Variants in SLCO4A1 observed in about 807,000 individuals in gnomAD.
The protein encoded by SLCO4A1 is solute carrier organic anion transporter family member 4A1, also known as colon organic anion transporter.
In SLCO4A1, 51 loss-of-function variants were observed where a neutral mutation model predicts 64.6. The ratio of observed to expected loss-of-function variants is 0.79; its 90% CI spans 0.63 to 1.00. The LOEUF is 1.00. Ranked by LOEUF, SLCO4A1 falls within the 50% of genes least tolerant of loss-of-function variation. The pLI, the probability that SLCO4A1 is intolerant of heterozygous loss-of-function variation, is 0.00. For synonymous variants in SLCO4A1, 471 were observed against 444.9 expected, an observed-to-expected ratio of 1.06 and a Z score of -0.74; for missense variants, 919 against 980.5, an observed-to-expected ratio of 0.94 and a Z score of 0.84.
intron 1 of SLCO4A1, among the ~76,000 whole-genome samples, chr20:62,652,446 T>G (rs1289261101): frequency 6.6e-6 from 1 of 152,148 alleles, no homozygotes; most frequent in East Asian, 1.9e-4. Context: ...TTGCGCCTCC[T>G]CGTCAGTCCC....
rs1268240212 is a variant in SLCO4A1, at chr20:62,657,073, A to C, written c.619A>C (p.Thr207Pro). Residue 207 changes from threonine to proline, a missense_variant, in exon 2 of 12, where the codon ACG becomes CCG. By Grantham distance (38) the Thr-to-Pro change is conservative. Transcript: ENST00000217159. Reference protein sequence around the residue: ...YEVELDAGVRTCPANPGAVCA... With the variant: ...YEVELDAGVRPCPANPGAVCA... ...GGTGGAGTTGGACGCGGGTGTCAGGACGTGCCCTGCCAACCCCGGCGCGGT... is the reference window on the plus strand; with the variant it reads ...GGTGGAGTTGGACGCGGGTGTCAGGCCGTGCCCTGCCAACCCCGGCGCGGT... 5.0e-6 allele frequency: 8 copies of C among 1,602,676 alleles called. No individual in the cohort carries two copies. Among genetic ancestry groups the C allele is most frequent in the Non-Finnish European group, 6.8e-6 (8 of 1,175,324 alleles).
chr20:62,685,933 A>G (rs1038234169), downstream of SLCO4A1: 1 of 151,916 alleles, frequency 6.6e-6, no homozygotes, highest in Non-Finnish European at 1.5e-5. The surrounding 1 kb of genome is among the most constrained non-coding windows in gnomAD (Gnocchi z 4.6). Flanking sequence ...GTGTGGATCC[A>G]TGGCTGAGCA....
chr20:62,657,276 C>G, intron 2 of SLCO4A1, 26 bp downstream of exon 2: 1 of 1,495,954 alleles, frequency 6.7e-7, no homozygotes, highest in Non-Finnish European at 9.0e-7. Flanking sequence ...GGGGTAAGTG[C>G]TGGCAGGGGT....
In SLCO4A1 at chr20:62,656,568, C is replaced by T; in HGVS notation, c.114C>T (p.Pro38=). The T allele has an allele frequency of 6.3e-7, 1 of 1,586,850 alleles. No homozygotes were observed. The highest frequency in any genetic ancestry group is 8.5e-7 in the Non-Finnish European group (1 of 1,171,080). The change falls in exon 2 of 12, where the codon CCC becomes CCT. Residue 38 remains proline, a synonymous_variant. Transcript: ENST00000217159. ...GCAGGAGGGCATCCCCGGGCACACC[C>T]CTGAGCCCCGGCTCCCTCCGCTCCG... ...PPSRRASPGT[P]LSPGSLRSAA...
chr20:62,686,846 G>A (rs1208201149), downstream of SLCO4A1, among the ~76,000 whole-genome samples: 1 of 151,918 alleles, frequency 6.6e-6, no homozygotes, highest in Admixed American at 6.5e-5. Context: ...CCCCCGAACA[G>A]GCACGATGGG....
At chr20:62,686,742 C>T (rs114599458), downstream of SLCO4A1, among the ~76,000 whole-genome samples, 337 of 152,352 alleles carry the variant, frequency 2.2e-3, 2 homozygotes, top group African/African-American at 7.7e-3. Flanking sequence ...CAGGTTTGGA[C>T]GGTGCAGAGA....
downstream of SLCO4A1, among the ~76,000 whole-genome samples, chr20:62,687,160 G>A (rs1470610881): frequency 6.2e-5 from 9 of 144,906 alleles, no homozygotes; most frequent in African/African-American, 2.4e-4. Flanking sequence ...CCAAACAGGA[G>A]CGATGGAAAG....
chr20:62,672,203 T>G lies in SLCO4A1; in HGVS notation c.*310T>G. ...ACTCCGCAGGGGCTGTGAATCCCAC[T>G]GGGAGGGCGGTGGGCCTGCAGCCTG... is the stretch of plus-strand genomic sequence containing the variant. On this transcript the variant is annotated 3_prime_UTR_variant, in exon 12 of 12. Coordinates refer to ENST00000217159, the MANE Select transcript of SLCO4A1 (RefSeq NM_016354.4). 1.5e-6 allele frequency: 2 copies of G among 1,295,492 alleles called. No homozygotes were observed. Among genetic ancestry groups the G allele is most frequent in the Non-Finnish European group, 2.0e-6 (2 of 1,014,226 alleles). 80.2% of individuals were successfully genotyped at this position (1,295,492 alleles called of 1,614,324 possible). A position where few individuals can be genotyped will look rare whatever the true frequency, so the allele number is the denominator to read the frequency against.
In SLCO4A1 at chr20:62,668,467, T is replaced by G; in HGVS notation, c.1812-10T>G. ...TCTGTGGGTGCTGACGCTGTGGTTT[T>G]CTATTGCAGATGTGTCCGTGACCCT... On this transcript the variant is annotated splice_polypyrimidine_tract_variant and intron_variant, in intron 9 of 11. Transcript: ENST00000217159. The G allele has an allele frequency of 2.5e-6, 4 of 1,613,834 alleles. No individual in the cohort carries two copies. Among genetic ancestry groups the G allele is most frequent in the Non-Finnish European group, 3.4e-6 (4 of 1,179,954 alleles).
chr20:62,654,206 A>G (rs1266395052), intron 1 of SLCO4A1, among the ~76,000 whole-genome samples: 1 of 152,182 alleles, frequency 6.6e-6, no homozygotes, highest in African/African-American at 2.4e-5. Context: ...CTCTGTCTGC[A>G]GGTGGCCTTC....
downstream of SLCO4A1, among the ~76,000 whole-genome samples, chr20:62,673,971 C>G (rs546670357): frequency 1.3e-5 from 2 of 152,374 alleles, no homozygotes; most frequent in African/African-American, 4.8e-5. Context: ...TGCCGCTCAC[C>G]TGTTCTCCAT....
At chr20:62,658,391 C>T (rs2236553) in intron 2 of SLCO4A1, among the ~76,000 whole-genome samples, 100,867 of 152,252 alleles carry the variant, frequency 0.66, 35,767 homozygotes, top group East Asian at 0.87. Context: ...TCCATCTGTG[C>T]GGCTACTTAG....
intron 11 of SLCO4A1, among the ~76,000 whole-genome samples, chr20:62,669,558 A>G (rs1006861413): frequency 3.3e-5 from 5 of 152,056 alleles, no homozygotes; most frequent in African/African-American, 1.2e-4. Context: ...TCTGGCCCTC[A>G]TTTTTCAAGC....
At chr20:62,663,691 G>A (rs1003642330) in intron 5 of SLCO4A1, among the ~76,000 whole-genome samples, 2 of 152,136 alleles carry the variant, frequency 1.3e-5, no homozygotes, top group Non-Finnish European at 1.5e-5. Context: ...CCCACTCAGT[G>A]GGGGAGAAGG....
rs1002694854 is a variant in SLCO4A1, at chr20:62,644,047, C to T, written c.-97+1494C>T. Among the ~76,000 whole-genome samples, 6 of 152,226 alleles carry T rather than the reference C, an allele frequency of 3.9e-5. No individual in the cohort carries two copies. The highest frequency in any genetic ancestry group is 2.1e-4 in the South Asian group (1 of 4,836). On this transcript the variant is annotated intron_variant, in intron 1 of 11. Coordinates refer to ENST00000217159, the MANE Select transcript of SLCO4A1 (RefSeq NM_016354.4). The surrounding 1 kb of genome is among the most constrained non-coding windows in gnomAD (Gnocchi z 5.4). ...ACTCTGTTCTTAAAGAGGCAAAAGG[C>T]GACTGCAGGGTCAGGCCGGAGACCC...
chr20:62,669,785 G>A (rs1399941421), intron 11 of SLCO4A1, among the ~76,000 whole-genome samples: 1 of 152,152 alleles, frequency 6.6e-6, no homozygotes, highest in Non-Finnish European at 1.5e-5. Flanking sequence ...AGGCTTTCCA[G>A]GAGGGAGGTT....
downstream of SLCO4A1, among the ~76,000 whole-genome samples, chr20:62,690,334 C>T (rs917587997): frequency 2.6e-5 from 4 of 152,106 alleles, no homozygotes; most frequent in African/African-American, 9.7e-5. Flanking sequence ...CATGGGAGGA[C>T]GGAGCTCAAC....
chr20:62,685,301 TG>T lies in SLCO4A1; in HGVS notation n.212-138del. 4.1e-6 allele frequency: 1 copy of T among 241,128 alleles called. No homozygotes were observed. The highest frequency in any genetic ancestry group is 6.7e-6 in the Non-Finnish European group (1 of 149,774). The allele number at this position is 241,128 out of a possible 1,614,324, so 14.9% of individuals were successfully genotyped here. On this transcript the variant is annotated intron_variant and non_coding_transcript_variant, in intron 2 of 2. Transcript: ENST00000466818. This position sits in a 1 kb window ranked among gnomAD's most constrained non-coding sequence, Gnocchi z 4.6. ...GGTCGGGGCTGGGCCCTGGCTGCCCTGGCTGCCCCCCGACACCTTCCCCAGC... is the reference window on the plus strand; with the variant it reads ...GGTCGGGGCTGGGCCCTGGCTGCCCTGCTGCCCCCCGACACCTTCCCCAGC...
chr20:62,642,601 C>T, intron 1 of SLCO4A1, 48 bp downstream of exon 1: 1 of 182,160 alleles, frequency 5.5e-6, no homozygotes, highest in Non-Finnish European at 1.1e-5. Context: ...CAGGGCCCGA[C>T]CTGCTGGCGT....
Sources: allele counts gnomAD v4.1 joint callset (sites outside exome capture counted in the v4.1 genomes callset), GRCh38; gene constraint gnomAD v4.1.1; non-coding constraint Gnocchi (gnomAD v3.1); transcripts MANE v1.5; gene names NCBI Gene and HGNC (gene_info 2026-07-23, HGNC 2026-07-21).